Variants in SH3BP1 observed in about 807,000 individuals in gnomAD.
The protein encoded by SH3BP1 is SH3 domain-binding protein 1.
In SH3BP1, 46 loss-of-function variants were observed where a neutral mutation model predicts 69.8. The ratio of observed to expected loss-of-function variants is 0.66; its 90% confidence interval spans 0.52 to 0.84. The LOEUF (loss-of-function observed/expected upper bound fraction) is 0.84. Ranked by LOEUF, SH3BP1 falls within the 40% of genes least tolerant of loss-of-function variation. The pLI is 0.00. For synonymous variants in SH3BP1, 403 were observed against 378.0 expected, an observed-to-expected ratio of 1.07 and a Z score of -0.77; for missense variants, 868 against 930.9, an observed-to-expected ratio of 0.93 and a Z score of 0.88.
intron 6 of SH3BP1, 33 bp downstream of exon 6, chr22:37,643,207 C>A (rs1932674546): frequency 1.9e-6 from 3 of 1,565,442 alleles, no homozygotes; most frequent in Non-Finnish European, 1.7e-6. Context: ...GGGCTCATAT[C>A]TGGGTCAGCC....
rs1357144144 is a variant in SH3BP1, at chr22:37,653,952, T to G, written c.1693+79T>G. 5.6e-6 allele frequency: 6 copies of G among 1,067,888 alleles called. No homozygotes were observed. The African/African-American group carries it at 7.8e-5, about 14-fold the overall frequency. The allele number at this position is 1,067,888 out of a possible 1,614,324, so 66.2% of individuals were successfully genotyped here. ...ACAGGCAGTCCCAGGTCCTCCTATC[T>G]TTTTAGGCAGCCAGGGGAGGCCAGG... On this transcript the variant is annotated intron_variant, in intron 17 of 17. Transcript: ENST00000649765.
chr22:37,656,017 A>G lies in SH3BP1; in HGVS notation c.*333A>G. 7.0e-7 allele frequency: 1 copy of G among 1,438,788 alleles called. No individual in the cohort carries two copies. The highest frequency in any genetic ancestry group is 1.1e-5 in the South Asian group (1 of 88,322). The allele number at this position is 1,438,788 out of a possible 1,614,324, so 89.1% of individuals were successfully genotyped here. On this transcript the variant is annotated 3_prime_UTR_variant, in exon 18 of 18. Coordinates refer to ENST00000649765, the MANE Select transcript of SH3BP1 (RefSeq NM_018957.6). ...CCGACATGTTTTTTGTAAGGCTGGTAAATAAATTATTTTGGACAAAACTGG... is the reference window on the plus strand; with the variant it reads ...CCGACATGTTTTTTGTAAGGCTGGTGAATAAATTATTTTGGACAAAACTGG...
chr22:37,642,952 G>A lies in SH3BP1; in HGVS notation c.342G>A (p.Glu114=). Residue 114 remains glutamate, a synonymous_variant, in exon 5 of 18, where the codon GAG becomes GAA. Coordinates refer to ENST00000649765, the MANE Select transcript of SH3BP1 (RefSeq NM_018957.6). ...IQNQLARILA[E]FEMTLERDVL... ...ATCAGCTGGCCCGCATCCTGGCCGA[G>A]TTTGAGATGACCCTGGAGAGGGACG... 3 of 1,612,962 alleles carry A rather than the reference G, an allele frequency of 1.9e-6. No individual in the cohort carries two copies. Among genetic ancestry groups the A allele is most frequent in the Non-Finnish European group, 2.5e-6 (3 of 1,180,012 alleles).
intron 10 of SH3BP1, among the ~76,000 whole-genome samples, chr22:37,645,728 C>T (rs979308864): frequency 6.6e-6 from 1 of 152,126 alleles, no homozygotes; most frequent in Admixed American, 6.6e-5. Context: ...ATTCCAGGCT[C>T]CATTTCACAA....
intron 16 of SH3BP1, among the ~76,000 whole-genome samples, chr22:37,651,070 G>A (rs1238110778): frequency 6.6e-6 from 1 of 151,756 alleles, no homozygotes; most frequent in Non-Finnish European, 1.5e-5. Flanking sequence ...GTCTCACTCT[G>A]TCGCCCAGGC....
chr22:37,651,659 G>A (rs1240035873), intron 16 of SH3BP1, among the ~76,000 whole-genome samples: 1 of 151,994 alleles, frequency 6.6e-6, no homozygotes, highest in Non-Finnish European at 1.5e-5. Context: ...TTTAAATCTG[G>A]AAGGGCTTCG....
rs1381147976 is a variant in SH3BP1, at chr22:37,655,561, A to C, written c.1983A>C (p.Ala661=). The part of the protein sequence containing the change: ...SPSPVSLSNP[A]QVDLGAATAE... ...GCCCAGTCTCTTTGAGTAACCCTGC[A>C]CAGGTGGACCTGGGGGCTGCCACAG... is the stretch of plus-strand genomic sequence containing the variant. The change falls in exon 18 of 18, where the codon GCA becomes GCC. Residue 661 remains alanine, a synonymous_variant. Coordinates refer to ENST00000649765, the MANE Select transcript of SH3BP1 (RefSeq NM_018957.6). 1 of 1,591,456 alleles carries C rather than the reference A, an allele frequency of 6.3e-7. No individual in the cohort carries two copies. The highest frequency in any genetic ancestry group is 8.5e-7 in the Non-Finnish European group (1 of 1,170,452).
Position 37,639,730 on chromosome 22 carries a change from G to T in SH3BP1, c.-58G>T. On this transcript the variant is annotated 5_prime_UTR_variant, in exon 1 of 18. Coordinates refer to ENST00000649765, the MANE Select transcript of SH3BP1 (RefSeq NM_018957.6). Reference sequence around the variant, plus strand: ...CCGCAGGAGAGGCAGGCTGGACCGGGGGCTCCCCGGGCCCGCGACCCCCGC... The same window carrying T: ...CCGCAGGAGAGGCAGGCTGGACCGGTGGCTCCCCGGGCCCGCGACCCCCGC... 8.7e-7 allele frequency: 1 copy of T among 1,145,654 alleles called. No homozygotes were observed. Among genetic ancestry groups the T allele is most frequent in the Non-Finnish European group, 1.2e-6 (1 of 829,146 alleles). The allele number at this position is 1,145,654 out of a possible 1,614,324, so 71.0% of individuals were successfully genotyped here.
In SH3BP1 at chr22:37,641,108, C is replaced by T. The variant is rs778675841; in HGVS notation, c.60-18C>T. On this transcript the variant is annotated intron_variant, in intron 1 of 17. Coordinates refer to ENST00000649765, the MANE Select transcript of SH3BP1 (RefSeq NM_018957.6). Reference sequence around the variant, plus strand: ...TCAGCAGAAGCACTCTCCCCCCCCCCCCCACCACTCCCCGCAGCACCCCGG... The same window carrying T: ...TCAGCAGAAGCACTCTCCCCCCCCCTCCCACCACTCCCCGCAGCACCCCGG... 2.7e-5 allele frequency: 38 copies of T among 1,388,462 alleles called. No homozygotes were observed. Among genetic ancestry groups the T allele is most frequent in the Middle Eastern group, 2.0e-4 (1 of 5,014 alleles). 86.0% of individuals were successfully genotyped at this position (1,388,462 alleles called of 1,614,324 possible). A position where few individuals can be genotyped will look rare whatever the true frequency, so the allele number is the denominator to read the frequency against.
Position 37,650,657 on chromosome 22 carries a change from C to CCCG in SH3BP1, c.1531_1533dup (p.Pro511dup). The CCCG allele has an allele frequency of 6.2e-7, 1 of 1,613,744 alleles. No individual in the cohort carries two copies. The highest frequency in any genetic ancestry group is 8.5e-7 in the Non-Finnish European group (1 of 1,179,810). Reference sequence around the variant, plus strand: ...CTGCCGTGCCCACCCCAGCCACCACCCCGGCTCCGGCTCCGGCTCCAGCTC... The same window carrying CCCG: ...CTGCCGTGCCCACCCCAGCCACCACCCCGCCGGCTCCGGCTCCGGCTCCAGCTC... On this transcript the variant is annotated inframe_insertion, in exon 16 of 18. Coordinates refer to ENST00000649765, the MANE Select transcript of SH3BP1 (RefSeq NM_018957.6).
At chr22:37,642,638 C>T (rs920975831) in intron 4 of SH3BP1, 23 bp downstream of exon 4, 2 of 1,613,130 alleles carry the variant, frequency 1.2e-6, no homozygotes, top group East Asian at 2.2e-5. Context: ...GGGGCCCAGC[C>T]CTCACCTGGG....
intron 7 of SH3BP1, among the ~76,000 whole-genome samples, 171 bp downstream of exon 7, chr22:37,643,959 C>T (rs985264229): frequency 5.9e-5 from 9 of 152,226 alleles, no homozygotes; most frequent in African/African-American, 2.2e-4. Flanking sequence ...TGTCTGTACC[C>T]CATGCATAAC....
Position 37,655,454 on chromosome 22 carries a change from A to G in SH3BP1, c.1876A>G (p.Thr626Ala). ...APTVPPPLPP[T>A]PPQPARRQSR... ...CACAGTGCCACCCCCGTTACCCCCC[A>G]CACCCCCTCAGCCTGCCCGGCGCCA... Residue 626 changes from threonine to alanine, a missense_variant, in exon 18 of 18, where the codon ACA (threonine) becomes GCA (alanine). Thr to Ala is a moderately conservative substitution (Grantham distance 58). This residue lies in a region of SH3BP1 where 474 missense variants were observed against 462.3 expected (regional missense o/e 1.03). Coordinates refer to ENST00000649765, the MANE Select transcript of SH3BP1 (RefSeq NM_018957.6). The G allele has an allele frequency of 1.2e-5, 2 of 169,580 alleles. No individual in the cohort carries two copies. The highest frequency in any genetic ancestry group is 1.7e-5 in the Non-Finnish European group (2 of 118,676). The allele number at this position is 169,580 out of a possible 1,614,324, so 10.5% of individuals were successfully genotyped here. A position where few individuals can be genotyped will look rare whatever the true frequency, so the allele number is the denominator to read the frequency against.
rs762695862 is a variant in SH3BP1 at position 37,653,817 on chromosome 22, A to G, written c.1637A>G (p.Lys546Arg). Residue 546 changes from lysine to arginine, a missense_variant, in exon 17 of 18, where the codon AAG becomes AGG. Physicochemically the swap from Lys to Arg is conservative, Grantham distance 26 (BLOSUM62 2). Around this residue, in one of 3 missense-constraint regions of SH3BP1, gnomAD observed 474 missense variants for 462.3 expected, o/e 1.03. Transcript: ENST00000649765. ...GTGCCTCCCAGACCAGCCTCCCCCA[A>G]GGTCACCAGGAGTCCCCCGGAGACA... ...SEVPPRPASP[K>R]VTRSPPETAA... 6.2e-7 allele frequency: 1 copy of G among 1,604,622 alleles called. No individual in the cohort carries two copies. The highest frequency in any genetic ancestry group is 8.5e-7 in the Non-Finnish European group (1 of 1,174,218).
At chr22:37,643,307 C>A in intron 6 of SH3BP1, 133 bp downstream of exon 6, 1 of 810,874 alleles carries the variant, frequency 1.2e-6, no homozygotes, top group Non-Finnish European at 2.0e-6. Flanking sequence ...CTTGTGCACG[C>A]CTGGTCCCTA....
intron 11 of SH3BP1, 70 bp downstream of exon 11, chr22:37,646,999 A>G (rs1348115400): frequency 1.9e-6 from 2 of 1,041,420 alleles, no homozygotes; most frequent in African/African-American, 1.6e-5. Context: ...AACGATCCCA[A>G]GATAGCCTGG....
Position 37,655,777 on chromosome 22 carries a change from G to GC in SH3BP1, c.*95dup, listed in dbSNP as rs1412176545. The GC allele has an allele frequency of 4.1e-6, 6 of 1,446,332 alleles. No individual in the cohort carries two copies. Among genetic ancestry groups the GC allele is most frequent in the Non-Finnish European group, 5.4e-6 (6 of 1,105,076 alleles). The allele number at this position is 1,446,332 out of a possible 1,614,324, so 89.6% of individuals were successfully genotyped here. A position where few individuals can be genotyped will look rare whatever the true frequency, so the allele number is the denominator to read the frequency against. On this transcript the variant is annotated 3_prime_UTR_variant, in exon 18 of 18. Transcript: ENST00000649765. ...TCTCGCCCCCCACAAAGGGGCATGG[G>GC]CCTCCAGCCTTTGCCCACAAGTGCC...
Position 37,641,186 on chromosome 22 carries a change from G to T in SH3BP1, c.102+18G>T. The stretch of plus-strand genomic sequence containing the variant: ...TGCTGCAGGTACGTGCCTGGGCCGG[G>T]CAGGTGGGAAGGCAGGCCTGTGCAG... On this transcript the variant is annotated intron_variant, in intron 2 of 17. Coordinates refer to ENST00000649765, the MANE Select transcript of SH3BP1 (RefSeq NM_018957.6). The T allele has an allele frequency of 6.5e-7, 1 of 1,549,900 alleles. No homozygotes were observed.
chr22:37,643,030 C>CCCCCAGCTT (rs1555888062), intron 5 of SH3BP1, 24 bp downstream of exon 5: 2 of 1,608,286 alleles, frequency 1.2e-6, no homozygotes, highest in East Asian at 4.5e-5. Context: ...CTGCTTTCAG[C>CCCCCAGCTT]CCCCAGCTTC....
Sources: allele counts gnomAD v4.1 joint callset (sites outside exome capture counted in the v4.1 genomes callset), GRCh38; gene constraint gnomAD v4.1.1; regional missense constraint gnomAD v4.1.1; transcripts MANE v1.5; gene names NCBI Gene and HGNC (gene_info 2026-07-23, HGNC 2026-07-21).